The following MYCBP2 variants were observed in gnomAD, a reference collection of about 807,000 sequenced individuals.
MYCBP2 encodes the protein E3 ubiquitin-protein ligase MYCBP2.
Under a neutral mutation model 525.3 loss-of-function variants are expected in MYCBP2, and 120 were observed. That is an observed-to-expected ratio of 0.23 (90% confidence interval 0.20 to 0.27). The LOEUF (loss-of-function observed/expected upper bound fraction) is 0.27, where lower values mean the gene tolerates loss of function less well. Ranked by LOEUF, MYCBP2 falls within the 10% of genes least tolerant of loss-of-function variation. The pLI is 1.00. For synonymous variants in MYCBP2, 1,894 were observed against 1,955.8 expected (o/e 0.97, Z 0.83); for missense variants, 4,149 against 5,657.1 (o/e 0.73, Z 8.55).
intron 1 of MYCBP2, among the ~76,000 whole-genome samples, chr13:77,310,004 T>C (rs188180806): frequency 3.9e-5 from 6 of 152,050 alleles, no homozygotes; most frequent in East Asian, 3.9e-4. Context: ...CCCTGCTATG[T>C]AGAAGGCTGA....
At chr13:77,190,426 G>T in intron 28 of MYCBP2, 91 bp from the exon 29 acceptor site, 1 of 766,372 alleles carries the variant, frequency 1.3e-6, no homozygotes, top group Non-Finnish European at 2.1e-6. Flanking sequence ...TTATGTCAAT[G>T]AAAATGATTC....
chr13:77,090,278 A>G lies in MYCBP2; in HGVS notation c.10368-15T>C. ...TGGTTTCTAAACTGTACATGGAACA[A>G]TGCAACAGATACAAACTCAGAAGAG... is the stretch of plus-strand genomic sequence containing the variant. On this transcript the variant is annotated splice_polypyrimidine_tract_variant and intron_variant, in intron 59 of 82. Coordinates refer to ENST00000544440, the MANE Select transcript of MYCBP2 (RefSeq NM_015057.5). 1 of 1,590,028 alleles carries G rather than the reference A, an allele frequency of 6.3e-7. No homozygotes were observed. Among genetic ancestry groups the G allele is most frequent in the South Asian group, 1.2e-5 (1 of 86,078 alleles).
At chr13:77,079,014 AC>A in intron 65 of MYCBP2, 125 bp from the exon 66 acceptor site, 3 of 719,714 alleles carry the variant, frequency 4.2e-6, no homozygotes. Flanking sequence ...TTCCTGATTG[AC>A]CCCACCCCAT....
At chr13:77,148,416 G>C (rs2055958096) in intron 47 of MYCBP2, among the ~76,000 whole-genome samples, 2 of 151,946 alleles carry the variant, frequency 1.3e-5, no homozygotes, top group Non-Finnish European at 1.5e-5. Context: ...GAATTGTTCT[G>C]TCTCTGAAAT....
intron 47 of MYCBP2, among the ~76,000 whole-genome samples, chr13:77,149,188 T>G (rs774250597): frequency 5.3e-5 from 8 of 152,118 alleles, no homozygotes; most frequent in Non-Finnish European, 8.8e-5. Flanking sequence ...TTCCCTTAAT[T>G]ATGTGTTGCT....
intron 52 of MYCBP2, among the ~76,000 whole-genome samples, chr13:77,127,802 A>C (rs9593209): frequency 2.6e-5 from 4 of 151,894 alleles, no homozygotes; most frequent in African/African-American, 9.7e-5. Context: ...AGAATTCTGT[A>C]TACCTGCTAC....
chr13:77,326,591 C>A lies in MYCBP2; in HGVS notation c.185G>T (p.Gly62Val), dbSNP rs771085437. 1 of 1,589,546 alleles carries A rather than the reference C, an allele frequency of 6.3e-7. No homozygotes were observed. Among genetic ancestry groups the A allele is most frequent in the Non-Finnish European group, 8.5e-7 (1 of 1,169,670 alleles). The change falls in exon 1 of 83, where the codon GGT (glycine) becomes GTT (valine). Residue 62 changes from glycine to valine, a missense_variant. Physicochemically the swap from Gly to Val is moderately radical, Grantham distance 109. Transcript: ENST00000544440. The surrounding 1 kb of genome is among the most constrained non-coding windows in gnomAD (Gnocchi z 4.2). ...GLGLPAADSR[G>V]HYQLLLSGRA... ...GCCTGACAGCAGCAGCTGGTAGTGA[C>A]CCCGGGAGTCCGCGGCGGGTAGCCC...
Position 77,182,725 on chromosome 13 carries a change from T to A in MYCBP2, c.4720-803A>T, listed in dbSNP as rs145284771. On this transcript the variant is annotated intron_variant, in intron 32 of 82. Coordinates refer to ENST00000544440, the MANE Select transcript of MYCBP2 (RefSeq NM_015057.5). ...TCTGCTACATGGATGCAAAGTTGCC[T>A]GGGATGCATTAGTGATGACAATGAT... Among the ~76,000 whole-genome samples the A allele has an allele frequency of 7.9e-5, 12 of 152,290 alleles. No homozygotes were observed. The East Asian group carries it at 2.3e-3, about 29-fold the overall frequency.
intron 55 of MYCBP2, among the ~76,000 whole-genome samples, chr13:77,116,940 A>G (rs1013848388): frequency 2.6e-5 from 4 of 152,136 alleles, no homozygotes; most frequent in African/African-American, 4.8e-5. Flanking sequence ...TTTGTCTGCT[A>G]CTGCTATGAC....
chr13:77,146,339 G>T, intron 47 of MYCBP2, 122 bp from the exon 48 acceptor site: 1 of 463,286 alleles, frequency 2.2e-6, no homozygotes, highest in Non-Finnish European at 3.5e-6. Flanking sequence ...AGGAGAAAAA[G>T]AAAAAAAATT....
chr13:77,163,072 T>C (rs73543871), intron 43 of MYCBP2, among the ~76,000 whole-genome samples: 2 of 152,338 alleles, frequency 1.3e-5, no homozygotes, highest in African/African-American at 2.4e-5. Flanking sequence ...GAGCTGCATA[T>C]ACTACCATTG....
chr13:77,326,711 A>C lies in MYCBP2; in HGVS notation c.65T>G (p.Phe22Cys). 2.8e-6 allele frequency: 4 copies of C among 1,423,878 alleles called. No homozygotes were observed. Among genetic ancestry groups the C allele is most frequent in the Non-Finnish European group, 3.6e-6 (4 of 1,100,420 alleles). The allele number at this position is 1,423,878 out of a possible 1,614,324, so 88.2% of individuals were successfully genotyped here. The change falls in exon 1 of 83, where the codon TTC (phenylalanine) becomes TGC (cysteine). Residue 22 changes from phenylalanine to cysteine, a missense_variant. Phe to Cys is a radical substitution (Grantham distance 205, BLOSUM62 -2). This residue lies in a region of MYCBP2 where 413 missense variants were observed against 451.2 expected (regional missense o/e 0.92). Transcript: ENST00000544440. This position sits in a 1 kb window ranked among gnomAD's most constrained non-coding sequence, Gnocchi z 4.2. ...AASSGLGGDG[F>C]YPAATFSSSP... ...GGAAGAGAAGGTGGCGGCTGGGTAG[A>C]ATCCGTCCCCGCCGAGCCCCGAGGA...
intron 26 of MYCBP2, among the ~76,000 whole-genome samples, chr13:77,198,741 T>C (rs2098311225): frequency 6.6e-6 from 1 of 152,216 alleles, no homozygotes; most frequent in African/African-American, 2.4e-5. Context: ...CCCCTAACAC[T>C]ATCTCTCACT....
chr13:77,096,160 C>T lies in MYCBP2; in HGVS notation c.9954+152G>A, dbSNP rs2046224194. 7 of 822,758 alleles carry T rather than the reference C, an allele frequency of 8.5e-6. No individual in the cohort carries two copies. The Admixed American group carries it at 9.4e-5, about 11-fold the overall frequency. 51.0% of individuals were successfully genotyped at this position (822,758 alleles called of 1,614,324 possible). A position where few individuals can be genotyped will look rare whatever the true frequency, so the allele number is the denominator to read the frequency against. ...AAAATTAAAAGCATTTGACTTAGTA[C>T]AAATATTAAATTTGTATATGATTTC... On this transcript the variant is annotated intron_variant, in intron 57 of 82. Transcript: ENST00000544440.
At chr13:77,116,886 AT>A (rs1425183267) in intron 55 of MYCBP2, among the ~76,000 whole-genome samples, 5 of 152,052 alleles carry the variant, frequency 3.3e-5, no homozygotes, top group African/African-American at 1.2e-4. Context: ...ACTTGCAATG[AT>A]TCTTTAGCTA....
chr13:77,158,300 A>G (rs1395364904), intron 44 of MYCBP2, among the ~76,000 whole-genome samples, 191 bp from the exon 45 acceptor site: 2 of 152,220 alleles, frequency 1.3e-5, no homozygotes, highest in South Asian at 4.1e-4. Flanking sequence ...CAATATTTCC[A>G]GTCTCTTTCC....
At chr13:77,150,303 T>A (rs759458706) in intron 47 of MYCBP2, among the ~76,000 whole-genome samples, 29 of 152,138 alleles carry the variant, frequency 1.9e-4, no homozygotes, top group Non-Finnish European at 4.0e-4. Context: ...TTAGAAATTT[T>A]ATTTTATTTT....
intron 34 of MYCBP2, among the ~76,000 whole-genome samples, chr13:77,178,786 C>G (rs1397074322): frequency 6.6e-6 from 1 of 152,172 alleles, no homozygotes; most frequent in Non-Finnish European, 1.5e-5. Context: ...GTATACCAGG[C>G]ACCCTGTAAC....
At chr13:77,052,306 C>T (rs1416790217) in intron 80 of MYCBP2, among the ~76,000 whole-genome samples, 3 of 152,138 alleles carry the variant, frequency 2.0e-5, no homozygotes, top group Non-Finnish European at 2.9e-5. Flanking sequence ...TCAGGCGATC[C>T]GCCCAACTCA....
Sources: allele counts gnomAD v4.1 joint callset (sites outside exome capture counted in the v4.1 genomes callset), GRCh38; gene constraint gnomAD v4.1.1; regional missense constraint gnomAD v4.1.1; non-coding constraint Gnocchi (gnomAD v3.1); transcripts MANE v1.5; gene names NCBI Gene and HGNC (gene_info 2026-07-23, HGNC 2026-07-21).